Variants in RBFOX1 observed in about 807,000 individuals in gnomAD.
RBFOX1 encodes the protein RNA binding protein fox-1 homolog 1.
A neutral mutation model predicts 57.7 loss-of-function variants in RBFOX1; 8 were observed. The ratio of observed to expected loss-of-function variants is 0.14; its 90% CI spans 0.08 to 0.25. The LOEUF is 0.25. Among genes scored for constraint, RBFOX1 ranks in the 10% least tolerant of loss-of-function variants. RBFOX1 has a pLI of 1.00. For missense variants in RBFOX1, 611 were observed against 548.5 expected (o/e 1.11, Z -1.14); for synonymous variants, 326 against 222.4 (o/e 1.47, Z -4.15).
Position 7,321,995 on chromosome 16 carries a change from G to C in RBFOX1, c.28-196152G>C, listed in dbSNP as rs142030929. Among the ~76,000 whole-genome samples the C allele has an allele frequency of 4.6e-5, 7 of 152,314 alleles. 1 individual carries two copies. In the South Asian group the frequency reaches 1.2e-3, roughly 27 times the overall value. On this transcript the variant is annotated intron_variant, in intron 4 of 15. Transcript: ENST00000550418. ...TTGGTTCTGGGTCCCTCACATCTCT[G>C]TCTTGTCTGCAAAACTAGGCTGTAT...
intron 2 of RBFOX1, among the ~76,000 whole-genome samples, chr16:6,648,564 C>A (rs74005632): frequency 0.022 from 3,370 of 152,220 alleles, 133 homozygotes; most frequent in African/African-American, 0.077. Flanking sequence ...CCCTGTCCTC[C>A]CACCCTTCAG....
chr16:7,055,979 C>T (rs920400863), intron 4 of RBFOX1, among the ~76,000 whole-genome samples: 1 of 152,210 alleles, frequency 6.6e-6, no homozygotes, highest in Non-Finnish European at 1.5e-5. Flanking sequence ...CAGGTCACAT[C>T]TTCCATCCTA....
At chr16:6,480,103 A>G (rs1174253818) in intron 2 of RBFOX1, among the ~76,000 whole-genome samples, 1 of 152,114 alleles carries the variant, frequency 6.6e-6, no homozygotes, top group African/African-American at 2.4e-5. Context: ...GAAATTCACA[A>G]TAGTGTCATC....
chr16:5,285,389 T>A (rs2063367906), intron 1 of RBFOX1, among the ~76,000 whole-genome samples: 1 of 152,216 alleles, frequency 6.6e-6, no homozygotes, highest in Non-Finnish European at 1.5e-5. Context: ...ATTATCTGTG[T>A]TCTCTTATAT....
intron 3 of RBFOX1, among the ~76,000 whole-genome samples, chr16:6,918,387 C>A (rs370740935): frequency 6.6e-6 from 1 of 151,988 alleles, no homozygotes; most frequent in Admixed American, 6.6e-5. Flanking sequence ...ACAAGCTACC[C>A]GGGTGATTCT....
At chr16:6,720,874 G>A (rs2065858007) in intron 3 of RBFOX1, among the ~76,000 whole-genome samples, 1 of 152,082 alleles carries the variant, frequency 6.6e-6, no homozygotes, top group Non-Finnish European at 1.5e-5. Flanking sequence ...CCCTCTCTTT[G>A]CACAATCCAT....
rs76703029 is a variant in RBFOX1 at position 6,560,090 on chromosome 16, T to C, written c.-63-94513T>C. 9.6e-3 allele frequency among the ~76,000 whole-genome samples: 1,440 copies of C among 150,290 alleles called. 24 individuals are homozygous for C. The highest frequency in any genetic ancestry group is 0.034 in the African/African-American group (1,377 of 40,996). On this transcript the variant is annotated intron_variant, in intron 2 of 15. Transcript: ENST00000550418. Reference sequence around the variant, plus strand: ...CCTTTCCCCTAAGAAGAAGGATATATAACCATCTGTATCACATTGTGCGGT... The same window carrying C: ...CCTTTCCCCTAAGAAGAAGGATATACAACCATCTGTATCACATTGTGCGGT...
At chr16:6,715,664 C>G (rs2064660175) in intron 3 of RBFOX1, among the ~76,000 whole-genome samples, 2 of 152,150 alleles carry the variant, frequency 1.3e-5, no homozygotes, top group Non-Finnish European at 2.9e-5. Flanking sequence ...ACTTGGAAAA[C>G]CCATTTCTTG....
At chr16:6,543,778 AC>A (rs1329743806) in intron 2 of RBFOX1, among the ~76,000 whole-genome samples, 1 of 152,066 alleles carries the variant, frequency 6.6e-6, no homozygotes, top group Non-Finnish European at 1.5e-5. Flanking sequence ...TTAGTAAGAC[AC>A]GTTTTCTGAA....
chr16:7,510,032 A>T, intron 4 of RBFOX1: 1 of 418,482 alleles, frequency 2.4e-6, no homozygotes, highest in Non-Finnish European at 3.2e-6. Context: ...TGAAACTGAG[A>T]GTAGGAGCCA....
At chr16:6,492,122 G>GTC (rs1478633337) in intron 2 of RBFOX1, among the ~76,000 whole-genome samples, 1 of 151,742 alleles carries the variant, frequency 6.6e-6, no homozygotes, top group Non-Finnish European at 1.5e-5. Flanking sequence ...ATGAAAGTGT[G>GTC]TGTGTGTGTG....
intron 1 of RBFOX1, among the ~76,000 whole-genome samples, chr16:5,253,533 A>G (rs1032412288): frequency 2.0e-5 from 3 of 152,166 alleles, no homozygotes; most frequent in Non-Finnish European, 4.4e-5. Context: ...CTGAGGGTGT[A>G]TATGTGTCCA....
intron 4 of RBFOX1, among the ~76,000 whole-genome samples, chr16:7,176,899 G>C (rs377682145): frequency 6.6e-6 from 1 of 152,112 alleles, no homozygotes; most frequent in Non-Finnish European, 1.5e-5. Flanking sequence ...AAATTTTTTA[G>C]ATATTTCCCA....
At chr16:5,640,056 T>G (rs1297316577) in intron 3 of RBFOX1, among the ~76,000 whole-genome samples, 1 of 152,126 alleles carries the variant, frequency 6.6e-6, no homozygotes, top group Non-Finnish European at 1.5e-5. Flanking sequence ...GTGGCTCACC[T>G]TTGAGGCACA....
At chr16:5,778,317 C>A (rs185831061) in intron 3 of RBFOX1, among the ~76,000 whole-genome samples, 1 of 152,140 alleles carries the variant, frequency 6.6e-6, no homozygotes, top group Non-Finnish European at 1.5e-5. Context: ...TCCATGATCT[C>A]ATCTGATTTC....
chr16:5,769,650 C>G (rs77717677), intron 3 of RBFOX1, among the ~76,000 whole-genome samples: 2,251 of 151,974 alleles, frequency 0.015, 68 homozygotes, highest in African/African-American at 0.051. Context: ...GAGACTCCCT[C>G]TCAAAAAAGG....
At chr16:7,198,596 G>C (rs1008995277) in intron 4 of RBFOX1, among the ~76,000 whole-genome samples, 13 of 152,152 alleles carry the variant, frequency 8.5e-5, no homozygotes, top group African/African-American at 2.9e-4. Flanking sequence ...GAAAGTCCAA[G>C]AGCATGACAC....
chr16:6,568,472 T>G (rs2097298449), intron 2 of RBFOX1, among the ~76,000 whole-genome samples: 1 of 152,126 alleles, frequency 6.6e-6, no homozygotes, highest in African/African-American at 2.4e-5. Flanking sequence ...GATGCTAAGA[T>G]GGAAGCCATA....
At chr16:6,211,490 A>C (rs1181209861) in intron 1 of RBFOX1, among the ~76,000 whole-genome samples, 1 of 152,058 alleles carries the variant, frequency 6.6e-6, no homozygotes, top group Admixed American at 6.5e-5. Context: ...TGCCTCCCAA[A>C]GTGCTGGGAT....
Sources: allele counts gnomAD v4.1 joint callset (sites outside exome capture counted in the v4.1 genomes callset), GRCh38; gene constraint gnomAD v4.1.1; transcripts MANE v1.5; gene names NCBI Gene and HGNC (gene_info 2026-07-23, HGNC 2026-07-21).